Variants in HAO1 observed in about 807,000 individuals in gnomAD.
HAO1 encodes the protein 2-Hydroxyacid oxidase 1.
A neutral mutation model predicts 39.7 loss-of-function variants in HAO1; 34 were observed. The ratio of observed to expected loss-of-function variants is 0.86; its 90% CI spans 0.65 to 1.14. The LOEUF is 1.14. Among genes scored for constraint, HAO1 ranks in the 50% most tolerant of loss-of-function variants. The probability of loss-of-function intolerance (pLI) is 0.00; values close to 1 mark genes in which losing one functional copy is unlikely to be tolerated. For missense variants in HAO1, 479 were observed against 464.5 expected, an observed-to-expected ratio of 1.03 and a Z score of -0.29; for synonymous variants, 172 against 173.2, an observed-to-expected ratio of 0.99 and a Z score of 0.05.
intron 2 of HAO1, among the ~76,000 whole-genome samples, chr20:7,921,117 A>G (rs2050329822): frequency 6.6e-6 from 1 of 152,108 alleles, no homozygotes; most frequent in South Asian, 2.1e-4. Context: ...TAACCCAATT[A>G]AAAAATAGGC....
rs555429298 is a variant in HAO1, at chr20:7,885,736, C to G, written c.942G>C (p.Gly314=). ...LALGAKAVFV[G]RPIVWGLAFQ... is the part of the protein sequence containing the mutation. ...AAGCTAAGCCCCAAACGATTGGTCT[C>G]CCCACAAACACAGCCTTGGCGCCAA... The change falls in exon 6 of 8, where the codon GGG becomes GGC. Residue 314 remains glycine (G), a synonymous_variant. Coordinates refer to ENST00000378789, the MANE Select transcript of HAO1 (RefSeq NM_017545.3). The G allele has an allele frequency of 7.6e-5, 122 of 1,613,628 alleles. 3 individuals are homozygous for G. The South Asian group carries it at 1.2e-3, about 15-fold the overall frequency.
At chr20:7,914,552 A>G (rs1743956409) in intron 2 of HAO1, 133 bp from the exon 3 acceptor site, 1 of 922,018 alleles carries the variant, frequency 1.1e-6, no homozygotes, top group African/African-American at 1.7e-5. Flanking sequence ...TTAAAGAGAG[A>G]AGAAAGTCTG....
At chr20:7,932,503 G>T (rs2050390401) in intron 2 of HAO1, among the ~76,000 whole-genome samples, 1 of 152,090 alleles carries the variant, frequency 6.6e-6, no homozygotes, top group African/African-American at 2.4e-5. Flanking sequence ...TTATAAGGTT[G>T]AGCCAAAAAT....
At chr20:7,913,122 C>G (rs985492217) in intron 3 of HAO1, among the ~76,000 whole-genome samples, 1 of 147,820 alleles carries the variant, frequency 6.8e-6, no homozygotes, top group African/African-American at 2.5e-5. Context: ...TTACATGTGG[C>G]TTCTTTCGTC....
intron 3 of HAO1, among the ~76,000 whole-genome samples, chr20:7,906,673 G>A (rs1294636329): frequency 6.6e-6 from 1 of 152,130 alleles, no homozygotes; most frequent in Non-Finnish European, 1.5e-5. Flanking sequence ...TTTTCAGCCA[G>A]CAATGCAAAT....
chr20:7,894,118 T>C (rs1471226800), intron 5 of HAO1, among the ~76,000 whole-genome samples: 1 of 152,148 alleles, frequency 6.6e-6, no homozygotes, highest in Non-Finnish European at 1.5e-5. Flanking sequence ...GGGAACCACT[T>C]GATAGCACCC....
At chr20:7,926,380 T>G (rs1395791487) in intron 2 of HAO1, among the ~76,000 whole-genome samples, 1 of 152,170 alleles carries the variant, frequency 6.6e-6, no homozygotes, top group East Asian at 1.9e-4. Flanking sequence ...AGTCCAGTGC[T>G]TTGCCTGGAT....
rs962033065 is a variant in HAO1 at position 7,920,834 on chromosome 20, T to C, written c.290-6415A>G. Among the ~76,000 whole-genome samples, 14 of 152,260 alleles carry C rather than the reference T, an allele frequency of 9.2e-5. No individual in the cohort carries two copies. The East Asian group carries it at 2.3e-3, about 25-fold the overall frequency. On this transcript the variant is annotated intron_variant, in intron 2 of 7. Transcript: ENST00000378789. ...ATTATGAATAATGCTATAACGAACA[T>C]AGAAGTGCAGATATCTCTTCAACAT... is the stretch of plus-strand genomic sequence containing the variant.
intron 2 of HAO1, among the ~76,000 whole-genome samples, chr20:7,920,361 G>A (rs1360884172): frequency 6.6e-5 from 10 of 152,036 alleles, no homozygotes; most frequent in Non-Finnish European, 1.3e-4. Context: ...ACTTAGTCTC[G>A]GGCAGTTCCT....
chr20:7,933,162 T>G (rs2050393317), intron 2 of HAO1, among the ~76,000 whole-genome samples: 2 of 152,202 alleles, frequency 1.3e-5, no homozygotes, highest in South Asian at 4.1e-4. Context: ...GTTCACTTAT[T>G]TCTCTTTTTC....
intron 2 of HAO1, among the ~76,000 whole-genome samples, chr20:7,918,131 A>G (rs2050315285): frequency 6.6e-6 from 1 of 152,190 alleles, no homozygotes; most frequent in Non-Finnish European, 1.5e-5. Flanking sequence ...GTGCTAAGGT[A>G]TTATCATTTG....
At chr20:7,915,885 G>A (rs955287657) in intron 2 of HAO1, among the ~76,000 whole-genome samples, 10 of 151,976 alleles carry the variant, frequency 6.6e-5, no homozygotes, top group Non-Finnish European at 1.0e-4. Flanking sequence ...GAGAATTATG[G>A]GGTTAGTTTA....
chr20:7,940,149 C>G (rs2050434056), intron 1 of HAO1, 137 bp downstream of exon 1: 1 of 603,328 alleles, frequency 1.7e-6, no homozygotes, highest in Non-Finnish European at 2.6e-6. Flanking sequence ...TCTTACAGCC[C>G]CAAGAACTTT....
intron 5 of HAO1, among the ~76,000 whole-genome samples, chr20:7,889,279 G>A (rs1162988012): frequency 6.6e-6 from 1 of 151,968 alleles, no homozygotes; most frequent in African/African-American, 2.4e-5. Flanking sequence ...AAAATGTTTT[G>A]CCATTGATAA....
chr20:7,933,536 G>A (rs1411104854), intron 2 of HAO1, among the ~76,000 whole-genome samples: 3 of 152,134 alleles, frequency 2.0e-5, no homozygotes, highest in African/African-American at 4.8e-5. Context: ...CTAGAATTAA[G>A]GAAGCTGCTA....
intron 3 of HAO1, 44 bp downstream of exon 3, chr20:7,914,120 A>C: frequency 1.2e-6 from 2 of 1,607,228 alleles, no homozygotes; most frequent in Non-Finnish European, 1.7e-6. Context: ...TTCCCAGTCA[A>C]GATCCCTTTC....
chr20:7,937,024 A>G (rs1367299938), intron 1 of HAO1, among the ~76,000 whole-genome samples: 1 of 152,124 alleles, frequency 6.6e-6, no homozygotes, highest in Non-Finnish European at 1.5e-5. Context: ...CAACTGGCAA[A>G]CAGTTGAACC....
chr20:7,903,205 A>C (rs764501032), intron 4 of HAO1, among the ~76,000 whole-genome samples: 4 of 152,098 alleles, frequency 2.6e-5, no homozygotes, highest in Admixed American at 6.5e-5. Context: ...AGAACCAAAT[A>C]GTTACAGAAA....
At chr20:7,904,825 C>T (rs994038687) in intron 4 of HAO1, among the ~76,000 whole-genome samples, 1 of 152,092 alleles carries the variant, frequency 6.6e-6, no homozygotes, top group Non-Finnish European at 1.5e-5. Context: ...TGGCACAGAA[C>T]CTTCAGGTTA....
Sources: allele counts gnomAD v4.1 joint callset (sites outside exome capture counted in the v4.1 genomes callset), GRCh38; gene constraint gnomAD v4.1.1; transcripts MANE v1.5; gene names NCBI Gene and HGNC (gene_info 2026-07-23, HGNC 2026-07-21).